The following GPC5 variants were observed in gnomAD, a reference collection of about 807,000 sequenced individuals.
GPC5 encodes glypican-5.
Under a neutral mutation model 53.9 loss-of-function variants are expected in GPC5, and 47 were observed. The ratio of observed to expected loss-of-function variants is 0.87; its 90% CI spans 0.69 to 1.11. The LOEUF (loss-of-function observed/expected upper bound fraction) is 1.11, where lower values mean the gene tolerates loss of function less well. Among genes scored for constraint, GPC5 ranks in the 50% most tolerant of loss-of-function variants. GPC5 has a pLI of 0.00. For missense variants in GPC5, 748 were observed against 713.1 expected, an observed-to-expected ratio of 1.05 and a Z score of -0.56; for synonymous variants, 286 against 263.3, an observed-to-expected ratio of 1.09 and a Z score of -0.84.
At chr13:92,808,014 A>T (rs1877162158) in intron 7 of GPC5, among the ~76,000 whole-genome samples, 1 of 152,130 alleles carries the variant, frequency 6.6e-6, no homozygotes, top group Admixed American at 6.6e-5. Context: ...GATTGTATAG[A>T]CTGACTAGTT....
At position 92,778,988 on chromosome 13, in the gene GPC5, C is replaced by CACAT. The variant is rs1169256485; in HGVS notation, c.1562-87293_1562-87292insCATA. Among the ~76,000 whole-genome samples, 5 of 150,456 alleles carry CACAT rather than the reference C, an allele frequency of 3.3e-5. No homozygotes were observed. The South Asian group carries it at 8.4e-4, about 25-fold the overall frequency. ...ATATACACACACACACACACACACA[C>CACAT]ATATATATATATATGCACACATATA... On this transcript the variant is annotated intron_variant, in intron 7 of 7. Coordinates refer to ENST00000377067, the MANE Select transcript of GPC5 (RefSeq NM_004466.6).
At chr13:92,661,019 G>A (rs1182846984) in intron 7 of GPC5, among the ~76,000 whole-genome samples, 1 of 151,986 alleles carries the variant, frequency 6.6e-6, no homozygotes, top group Non-Finnish European at 1.5e-5. Context: ...AACTCACACA[G>A]GGCAGGGATG....
Position 91,448,899 on chromosome 13 carries a change from C to A in GPC5, c.302C>A (p.Ser101Tyr). The change falls in exon 2 of 8, where the codon TCT becomes TAT. Residue 101 changes from serine (S) to tyrosine (Y), a missense_variant. Ser to Tyr is a moderately radical substitution (Grantham distance 144). Coordinates refer to ENST00000377067, the MANE Select transcript of GPC5 (RefSeq NM_004466.6). ...TSSSTLKFLI[S>Y]RNAAAFQETL... ...AGCTCTACATTAAAGTTTCTAATATCTCGAAATGCGGCTGCTTTTCAAGGT... is the reference window on the plus strand; with the variant it reads ...AGCTCTACATTAAAGTTTCTAATATATCGAAATGCGGCTGCTTTTCAAGGT... 1 of 1,613,118 alleles carries A rather than the reference C, an allele frequency of 6.2e-7. No homozygotes were observed. The highest frequency in any genetic ancestry group is 8.5e-7 in the Non-Finnish European group (1 of 1,179,560).
chr13:92,846,533 G>T (rs1878618239), intron 7 of GPC5, among the ~76,000 whole-genome samples: 1 of 152,126 alleles, frequency 6.6e-6, no homozygotes, highest in Non-Finnish European at 1.5e-5. Context: ...AATCACTGCT[G>T]TATTTATGCA....
chr13:92,685,362 T>A (rs1432242849), intron 7 of GPC5, among the ~76,000 whole-genome samples: 1 of 152,022 alleles, frequency 6.6e-6, no homozygotes, highest in East Asian at 1.9e-4. Flanking sequence ...CCCAAAGTAC[T>A]AGGATTACAG....
At chr13:91,587,284 A>G (rs2032633639) in intron 2 of GPC5, among the ~76,000 whole-genome samples, 1 of 152,202 alleles carries the variant, frequency 6.6e-6, no homozygotes, top group African/African-American at 2.4e-5. Context: ...GAGTATAAGT[A>G]TACAACTAAA....
chr13:92,350,495 T>C (rs1158369353), intron 7 of GPC5, among the ~76,000 whole-genome samples: 3 of 152,240 alleles, frequency 2.0e-5, no homozygotes, highest in Non-Finnish European at 4.4e-5. Context: ...GTTGAACTCA[T>C]AGAAGCAGAG....
intron 7 of GPC5, among the ~76,000 whole-genome samples, chr13:92,835,541 T>C (rs1878193523): frequency 6.6e-6 from 1 of 152,068 alleles, no homozygotes; most frequent in South Asian, 2.1e-4. Flanking sequence ...TAATATTTCA[T>C]ACTATTATTG....
intron 6 of GPC5, among the ~76,000 whole-genome samples, chr13:92,096,763 C>T (rs989992671): frequency 1.3e-5 from 2 of 152,154 alleles, no homozygotes; most frequent in African/African-American, 4.8e-5. Flanking sequence ...CTTGGCTTCC[C>T]AGTCTTCAGA....
At chr13:92,055,526 T>G (rs1299794621) in intron 6 of GPC5, among the ~76,000 whole-genome samples, 2 of 152,246 alleles carry the variant, frequency 1.3e-5, no homozygotes, top group Non-Finnish European at 2.9e-5. Flanking sequence ...TTGAGGATTT[T>G]CTATAAAGCC....
chr13:91,585,622 T>A (rs2032533251), intron 2 of GPC5, among the ~76,000 whole-genome samples: 2 of 152,126 alleles, frequency 1.3e-5, no homozygotes, highest in African/African-American at 4.8e-5. Flanking sequence ...ATAGTGGTTG[T>A]GTTTGGGGGG....
chr13:92,020,716 A>G (rs749030015), intron 6 of GPC5, among the ~76,000 whole-genome samples: 3 of 145,836 alleles, frequency 2.1e-5, no homozygotes, highest in Non-Finnish European at 3.0e-5. Context: ...TGAACTTCTC[A>G]TAGAATTTGA....
intron 7 of GPC5, among the ~76,000 whole-genome samples, chr13:92,839,899 G>A (rs914142073): frequency 1.3e-5 from 2 of 151,312 alleles, no homozygotes; most frequent in Non-Finnish European, 2.9e-5. Context: ...TCACGTTCGT[G>A]GGAACTCCAC....
At chr13:92,073,957 G>A (rs2041233348) in intron 6 of GPC5, among the ~76,000 whole-genome samples, 1 of 152,102 alleles carries the variant, frequency 6.6e-6, no homozygotes, top group South Asian at 2.1e-4. Flanking sequence ...TTCCCTCTTT[G>A]CTCTGCATTT....
chr13:92,785,285 T>C (rs79996126), intron 7 of GPC5, among the ~76,000 whole-genome samples: 1 of 151,648 alleles, frequency 6.6e-6, no homozygotes, highest in African/African-American at 2.4e-5. Flanking sequence ...CAAAAAATAA[T>C]AAGAAGAAGG....
chr13:91,908,095 A>G, intron 6 of GPC5, 38 bp downstream of exon 6: 5 of 1,379,946 alleles, frequency 3.6e-6, no homozygotes, highest in Non-Finnish European at 4.7e-6. Context: ...ATACTCAGTC[A>G]TAAATAATAA....
chr13:91,701,699 A>G (rs1333323413), intron 3 of GPC5, among the ~76,000 whole-genome samples: 1 of 152,000 alleles, frequency 6.6e-6, no homozygotes, highest in African/African-American at 2.4e-5. Flanking sequence ...TCATCTGTTG[A>G]TGGACACTTA....
At chr13:91,417,138 C>T (rs553505969) in intron 1 of GPC5, among the ~76,000 whole-genome samples, 3 of 152,074 alleles carry the variant, frequency 2.0e-5, no homozygotes, top group African/African-American at 7.2e-5. Context: ...TAGTATGATT[C>T]CCAGTTTTTA....
chr13:92,814,669 A>T (rs1162181838), intron 7 of GPC5, among the ~76,000 whole-genome samples: 1 of 151,396 alleles, frequency 6.6e-6, no homozygotes, highest in Non-Finnish European at 1.5e-5. Context: ...TCAAAAAAAA[A>T]AATAAAAAAT....
Sources: allele counts gnomAD v4.1 joint callset (sites outside exome capture counted in the v4.1 genomes callset), GRCh38; gene constraint gnomAD v4.1.1; transcripts MANE v1.5; gene names NCBI Gene and HGNC (gene_info 2026-07-23, HGNC 2026-07-21).